The following PRKCI variants were observed in gnomAD, a reference collection of about 807,000 sequenced individuals.
The protein encoded by PRKCI is protein kinase C iota type.
PRKCI carries 43 observed loss-of-function variants against 84.0 expected under a neutral mutation model. The observed-to-expected ratio is 0.51, with a 90% CI of 0.40 to 0.66. The LOEUF (loss-of-function observed/expected upper bound fraction) is 0.66, where lower values mean the gene tolerates loss of function less well. Ranked by LOEUF, PRKCI falls within the 30% of genes least tolerant of loss-of-function variation. The pLI is 0.00. For synonymous variants in PRKCI, 216 were observed against 234.4 expected (o/e 0.92, Z 0.72); for missense variants, 459 against 745.6 (o/e 0.62, Z 4.48).
At chr3:170,235,410 G>A in intron 2 of PRKCI, 59 bp downstream of exon 2, 1 of 1,571,856 alleles carries the variant, frequency 6.4e-7, no homozygotes, top group Non-Finnish European at 8.7e-7. Context: ...TCTATCATTT[G>A]TTGTAAAAAT....
intron 2 of PRKCI, among the ~76,000 whole-genome samples, chr3:170,250,556 A>G (rs1237853625): frequency 6.6e-6 from 1 of 150,424 alleles, no homozygotes; most frequent in Non-Finnish European, 1.5e-5. Context: ...CTACAGATAG[A>G]CTGATTCTAG....
chr3:170,253,300 C>A (rs1344692816), intron 2 of PRKCI, among the ~76,000 whole-genome samples: 1 of 152,052 alleles, frequency 6.6e-6, no homozygotes, highest in Non-Finnish European at 1.5e-5. Context: ...AAGTACATTC[C>A]CACCAACAGC....
chr3:170,234,575 G>C (rs895522171), intron 1 of PRKCI, among the ~76,000 whole-genome samples: 1 of 152,072 alleles, frequency 6.6e-6, no homozygotes, highest in Non-Finnish European at 1.5e-5. Flanking sequence ...CTTTGACAGA[G>C]AAATTTCATA....
chr3:170,279,673 C>T (rs1206877816), intron 8 of PRKCI, among the ~76,000 whole-genome samples: 2 of 152,176 alleles, frequency 1.3e-5, no homozygotes, highest in African/African-American at 4.8e-5. Flanking sequence ...CTACTTCATG[C>T]TTGTTTTCTG....
Position 170,299,000 on chromosome 3 carries a change from G to A in PRKCI, c.1593G>A (p.Glu531=), listed in dbSNP as rs1296524027. 2 of 1,609,466 alleles carry A rather than the reference G, an allele frequency of 1.2e-6. No homozygotes were observed. The highest frequency in any genetic ancestry group is 1.7e-6 in the Non-Finnish European group (2 of 1,177,150). Reference sequence around the variant, plus strand: ...CATCCAGTATGTCTTTTCAGATGGAGCAAAAACAGGTGGTACCTCCCTTTA... The same window carrying A: ...CATCCAGTATGTCTTTTCAGATGGAACAAAAACAGGTGGTACCTCCCTTTA... ...FFRNVDWDMM[E]QKQVVPPFKP... The change falls in exon 17 of 18, where the codon GAG becomes GAA. Residue 531 remains glutamate, a synonymous_variant. Transcript: ENST00000295797.
At chr3:170,265,402 T>C (rs1733834511) in intron 4 of PRKCI, among the ~76,000 whole-genome samples, 1 of 152,168 alleles carries the variant, frequency 6.6e-6, no homozygotes, top group African/African-American at 2.4e-5. Flanking sequence ...TGAGATGAAC[T>C]AAGAGTGTCC....
At chr3:170,254,378 C>T (rs939635150) in intron 2 of PRKCI, among the ~76,000 whole-genome samples, 4 of 152,162 alleles carry the variant, frequency 2.6e-5, no homozygotes, top group African/African-American at 9.7e-5. Flanking sequence ...AATTACTTGC[C>T]TGGACCAGTG....
intron 12 of PRKCI, among the ~76,000 whole-genome samples, chr3:170,287,299 G>A (rs1426919699): frequency 6.6e-6 from 1 of 151,524 alleles, no homozygotes; most frequent in Non-Finnish European, 1.5e-5. Flanking sequence ...CTCCAGTCTG[G>A]GTGACAGAGT....
intron 14 of PRKCI, among the ~76,000 whole-genome samples, chr3:170,294,126 C>A (rs1734638124): frequency 6.6e-6 from 1 of 152,088 alleles, no homozygotes; most frequent in Admixed American, 6.6e-5. Context: ...GAAAGGAATC[C>A]TGTGGCTAGA....
chr3:170,303,115 A>G lies in PRKCI; in HGVS notation c.1779A>G (p.Glu593=). The G allele has an allele frequency of 6.2e-7, 1 of 1,600,966 alleles. No homozygotes were observed. The highest frequency in any genetic ancestry group is 8.5e-7 in the Non-Finnish European group (1 of 1,173,412). ...TCAATCCTCTTTTGATGTCTGCAGA[A>G]GAATGTGTCTGATCCTCATTTTTCA... ...EYINPLLMSA[E]ECV is the part of the protein sequence containing the mutation. Residue 593 remains glutamate (E), a synonymous_variant, in exon 18 of 18, where the codon GAA becomes GAG. Coordinates refer to ENST00000295797, the MANE Select transcript of PRKCI (RefSeq NM_002740.6).
intron 2 of PRKCI, among the ~76,000 whole-genome samples, chr3:170,254,675 C>A (rs1055792631): frequency 6.6e-6 from 1 of 152,052 alleles, no homozygotes; most frequent in African/African-American, 2.4e-5. Context: ...TCTGTTCCAT[C>A]GGTTTATGTG....
Position 170,287,996 on chromosome 3 carries a change from CAGCA to C in PRKCI, c.1203+3401_1203+3404del, listed in dbSNP as rs1461844264. Reference sequence around the variant, plus strand: ...GTGCGGTGGCTTGCACCTGTAATCCCAGCATTTTGGGAGGCCGAGGCAGGCGGAT... The same window carrying C: ...GTGCGGTGGCTTGCACCTGTAATCCCTTTTGGGAGGCCGAGGCAGGCGGAT... On this transcript the variant is annotated intron_variant, in intron 12 of 17. Coordinates refer to ENST00000295797, the MANE Select transcript of PRKCI (RefSeq NM_002740.6). Among the ~76,000 whole-genome samples the C allele has an allele frequency of 1.2e-3, 181 of 151,740 alleles. 3 individuals are homozygous for C. The South Asian group carries it at 0.037, about 31-fold the overall frequency.
chr3:170,222,602 T>G lies in PRKCI; in HGVS notation c.-68T>G. On this transcript the variant is annotated 5_prime_UTR_variant, in exon 1 of 18. Coordinates refer to ENST00000295797, the MANE Select transcript of PRKCI (RefSeq NM_002740.6). ...TCTCCGGCAAGCGCAGGCGGCGGAG[T>G]CCCCCACGGCGCCCGAAGCGCCCCC... 7 of 1,323,440 alleles carry G rather than the reference T, an allele frequency of 5.3e-6. No individual in the cohort carries two copies. Among genetic ancestry groups the G allele is most frequent in the African/African-American group, 1.5e-5 (1 of 64,620 alleles). The allele number at this position is 1,323,440 out of a possible 1,614,324, so 82.0% of individuals were successfully genotyped here. A position where few individuals can be genotyped will look rare whatever the true frequency, so the allele number is the denominator to read the frequency against.
At chr3:170,262,834 T>TTC (rs1326101561) in intron 3 of PRKCI, among the ~76,000 whole-genome samples, 2 of 130,506 alleles carry the variant, frequency 1.5e-5, no homozygotes, top group African/African-American at 3.7e-5. Flanking sequence ...CTTTCTTTCT[T>TTC]TTTTTTTTTT....
intron 2 of PRKCI, among the ~76,000 whole-genome samples, chr3:170,240,640 G>A (rs907822676): frequency 9.2e-5 from 14 of 152,078 alleles, no homozygotes; most frequent in African/African-American, 3.4e-4. Context: ...TAATCATGTA[G>A]GCATTGGGGC....
intron 1 of PRKCI, among the ~76,000 whole-genome samples, chr3:170,227,808 T>G (rs1732671935): frequency 6.6e-6 from 1 of 152,178 alleles, no homozygotes; most frequent in South Asian, 2.1e-4. Flanking sequence ...GATTTGCATT[T>G]TAGAAAGATA....
chr3:170,285,986 A>G (rs4955719), intron 12 of PRKCI, among the ~76,000 whole-genome samples: 55,558 of 150,188 alleles, frequency 0.37, 10,700 homozygotes, highest in South Asian at 0.48. Context: ...GTACAATGGC[A>G]CAATCTCGGC....
intron 13 of PRKCI, 81 bp from the exon 14 acceptor site, chr3:170,293,302 C>G (rs1454742194): frequency 7.3e-7 from 1 of 1,371,206 alleles, no homozygotes; most frequent in African/African-American, 1.5e-5. Flanking sequence ...TTTCTTTTTC[C>G]TTTATGTGAT....
intron 3 of PRKCI, among the ~76,000 whole-genome samples, chr3:170,261,449 G>GT (rs141662590): frequency 9.6e-4 from 126 of 130,746 alleles, no homozygotes; most frequent in Middle Eastern, 8.0e-3. Context: ...CCTTTACAGT[G>GT]TTTTTTTTTT....
Sources: gnomAD v4.1 joint callset for allele counts (sites outside exome capture counted in the v4.1 genomes callset) on GRCh38, gnomAD v4.1.1 for gene constraint, MANE v1.5 for transcripts, NCBI Gene and HGNC (gene_info 2026-07-23, HGNC 2026-07-21) for gene names.